Variants in RGS9 observed in about 807,000 individuals in gnomAD.
RGS9 encodes regulator of G protein signaling 9.
RGS9 carries 78 observed loss-of-function variants against 102.0 expected under a neutral mutation model. The observed-to-expected ratio is 0.76, with a 90% confidence interval of 0.64 to 0.92. RGS9 has a LOEUF of 0.92. Among genes scored for constraint, RGS9 ranks in the 40% least tolerant of loss-of-function variants. RGS9 has a pLI of 0.00. For missense variants in RGS9, 833 were observed against 866.1 expected, an observed-to-expected ratio of 0.96 and a Z score of 0.48; for synonymous variants, 353 against 318.6, an observed-to-expected ratio of 1.11 and a Z score of -1.15.
intron 3 of RGS9, 126 bp downstream of exon 3, chr17:65,158,471 C>T (rs1171961963): frequency 2.9e-5 from 26 of 909,134 alleles, no homozygotes; most frequent in Admixed American, 1.0e-4. Context: ...ACATGACCTT[C>T]GTGTGTAAAA....
intron 6 of RGS9, 48 bp downstream of exon 6, chr17:65,160,957 A>T: frequency 6.8e-7 from 1 of 1,473,122 alleles, no homozygotes; most frequent in Non-Finnish European, 9.5e-7. Flanking sequence ...AGTGGAAGAT[A>T]GTTTTGAGCT....
chr17:65,201,872 G>T, intron 13 of RGS9, 121 bp from the exon 14 acceptor site: 1 of 717,140 alleles, frequency 1.4e-6, no homozygotes, highest in African/African-American at 1.7e-5. Flanking sequence ...CGGCAGGAAA[G>T]GTGTTCACTG....
At chr17:65,176,900 A>G (rs963993193) in intron 8 of RGS9, among the ~76,000 whole-genome samples, 2 of 151,650 alleles carry the variant, frequency 1.3e-5, no homozygotes, top group African/African-American at 4.9e-5. Flanking sequence ...CCATCCATCC[A>G]TCCATCCATC....
intron 17 of RGS9, among the ~76,000 whole-genome samples, chr17:65,219,146 A>G (rs78367619): frequency 0.091 from 13,783 of 152,140 alleles, 1,289 homozygotes; most frequent in East Asian, 0.29. Context: ...GCTCCTAGGG[A>G]CTCAGGGCTG....
chr17:65,224,333 G>A (rs1367958059), intron 17 of RGS9, among the ~76,000 whole-genome samples: 3 of 152,154 alleles, frequency 2.0e-5, no homozygotes, highest in South Asian at 2.1e-4. Flanking sequence ...ACACCTCCTC[G>A]CCATGTATTC....
chr17:65,172,931 T>C (rs571117882), intron 8 of RGS9, among the ~76,000 whole-genome samples: 4 of 125,760 alleles, frequency 3.2e-5, no homozygotes, highest in African/African-American at 1.1e-4. Flanking sequence ...TCTTTCTTTC[T>C]TTTTTTTTTG....
intron 11 of RGS9, among the ~76,000 whole-genome samples, chr17:65,190,573 C>T (rs888977785): frequency 2.0e-5 from 3 of 152,174 alleles, no homozygotes; most frequent in African/African-American, 7.2e-5. Flanking sequence ...GGGTTCCTAT[C>T]GTTACTGGTT....
At chr17:65,160,738 G>T in intron 5 of RGS9, 113 bp from the exon 6 acceptor site, 1 of 1,389,544 alleles carries the variant, frequency 7.2e-7, no homozygotes, top group Non-Finnish European at 1.0e-6. Context: ...CAAGGGGCTG[G>T]GTGTGCTGAG....
chr17:65,187,078 A>G (rs955213729), intron 9 of RGS9, among the ~76,000 whole-genome samples: 4 of 152,208 alleles, frequency 2.6e-5, no homozygotes, highest in Admixed American at 1.3e-4. Context: ...ATGACTGCCA[A>G]TGCATTTGGA....
rs533745923 is a variant in RGS9 at position 65,173,905 on chromosome 17, C to T, written c.583-3827C>T. The stretch of plus-strand genomic sequence containing the variant: ...AGAGGCAGAAAGGCAGCCCTCTCAC[C>T]AGTTTCGAGGGCAGGGAACTGGAAA... On this transcript the variant is annotated intron_variant, in intron 8 of 18. Transcript: ENST00000262406. The surrounding 1 kb of genome is among the most constrained non-coding windows in gnomAD (Gnocchi z 4.8). Among the ~76,000 whole-genome samples, 46 of 152,212 alleles carry T rather than the reference C, an allele frequency of 3.0e-4. No individual in the cohort carries two copies. The highest frequency in any genetic ancestry group is 6.3e-4 in the Non-Finnish European group (43 of 68,050).
rs1910284525 is a variant in RGS9, at chr17:65,144,593, G to A, written c.57+6996G>A. Among the ~76,000 whole-genome samples, 3 of 152,202 alleles carry A rather than the reference G, an allele frequency of 2.0e-5. No homozygotes were observed. In the South Asian group the frequency reaches 6.2e-4, roughly 31 times the overall value. On this transcript the variant is annotated intron_variant, in intron 1 of 18. Coordinates refer to ENST00000262406, the MANE Select transcript of RGS9 (RefSeq NM_003835.4). ...GCGGGGCTGATGCTTTGTCTTGGGAGGAGCTGGGAAGCAGAGTCTGTTTGG... is the reference window on the plus strand; with the variant it reads ...GCGGGGCTGATGCTTTGTCTTGGGAAGAGCTGGGAAGCAGAGTCTGTTTGG...
At chr17:65,211,219 G>T (rs896298262) in intron 17 of RGS9, among the ~76,000 whole-genome samples, 1 of 152,192 alleles carries the variant, frequency 6.6e-6, no homozygotes, top group African/African-American at 2.4e-5. Context: ...GGGGCTAGTT[G>T]CAGGGAAGTA....
chr17:65,210,717 G>A lies in RGS9; in HGVS notation c.1407+112G>A, dbSNP rs1238488628. The A allele has an allele frequency of 3.9e-6, 6 of 1,547,516 alleles. No individual in the cohort carries two copies. The African/African-American group carries it at 5.4e-5, about 14-fold the overall frequency. The stretch of plus-strand genomic sequence containing the variant: ...ACTTGGGAGAGGCAAATGAAGAAGG[G>A]TAGGGTCAGAGTCTAGAAGGTTCCA... On this transcript the variant is annotated intron_variant, in intron 17 of 18. Coordinates refer to ENST00000262406, the MANE Select transcript of RGS9 (RefSeq NM_003835.4).
At chr17:65,177,698 T>C in intron 8 of RGS9, 34 bp from the exon 9 acceptor site, 1 of 1,597,524 alleles carries the variant, frequency 6.3e-7, no homozygotes, top group South Asian at 1.1e-5. Context: ...AGACTCTCCC[T>C]GTAATGACCT....
At chr17:65,149,112 C>A (rs1339375607) in intron 1 of RGS9, among the ~76,000 whole-genome samples, 1 of 149,896 alleles carries the variant, frequency 6.7e-6, no homozygotes, top group Non-Finnish European at 1.5e-5. Context: ...TAGGCGCCCG[C>A]CACCATGCCC....
In RGS9 at chr17:65,173,152, G is replaced by C. The variant is rs904824310; in HGVS notation, c.583-4580G>C. On this transcript the variant is annotated intron_variant, in intron 8 of 18. Coordinates refer to ENST00000262406, the MANE Select transcript of RGS9 (RefSeq NM_003835.4). This position sits in a 1 kb window ranked among gnomAD's most constrained non-coding sequence, Gnocchi z 4.8. Reference sequence around the variant, plus strand: ...TTGGCCAGGCTGGTCTCGAACTCCTGACCTCATGATCTGCCGGCCTCAGGC... The same window carrying C: ...TTGGCCAGGCTGGTCTCGAACTCCTCACCTCATGATCTGCCGGCCTCAGGC... Among the ~76,000 whole-genome samples, 8 of 151,994 alleles carry C rather than the reference G, an allele frequency of 5.3e-5. No individual in the cohort carries two copies. The highest frequency in any genetic ancestry group is 1.0e-4 in the Non-Finnish European group (7 of 67,994).
chr17:65,188,803 C>T (rs969957035), intron 9 of RGS9: 3 of 177,466 alleles, frequency 1.7e-5, no homozygotes, highest in Non-Finnish European at 3.6e-5. Context: ...TTAGTAAAGA[C>T]GGGGTTTTGT....
chr17:65,200,445 C>T (rs4791217), intron 13 of RGS9, among the ~76,000 whole-genome samples: 29,150 of 152,126 alleles, frequency 0.19, 4,594 homozygotes, highest in African/African-American at 0.4. Flanking sequence ...CTGGCTATCA[C>T]GAATAATTGC....
chr17:65,187,712 G>A (rs574873038), intron 9 of RGS9, among the ~76,000 whole-genome samples: 10 of 152,308 alleles, frequency 6.6e-5, no homozygotes, highest in Non-Finnish European at 8.8e-5. Flanking sequence ...GAGGGTCCGC[G>A]TGAGGCCGGG....
Sources: gnomAD v4.1 joint callset for allele counts (sites outside exome capture counted in the v4.1 genomes callset) on GRCh38, gnomAD v4.1.1 for gene constraint, Gnocchi (gnomAD v3.1) non-coding constraint, MANE v1.5 for transcripts, NCBI Gene and HGNC (gene_info 2026-07-23, HGNC 2026-07-21) for gene names.